KCNIP4: variants seen among roughly 807,000 people sequenced by gnomAD.
KCNIP4 encodes the protein potassium voltage-gated channel interacting protein 4.
In KCNIP4, 12 loss-of-function variants were observed where a neutral mutation model predicts 34.0. That is an observed-to-expected ratio of 0.35 (90% CI 0.23 to 0.57). KCNIP4 has a LOEUF of 0.57. Among genes scored for constraint, KCNIP4 ranks in the 20% least tolerant of loss-of-function variants. KCNIP4 has a pLI of 0.83. For missense variants in KCNIP4, 238 were observed against 311.7 expected, an observed-to-expected ratio of 0.76 and a Z score of 1.78; for synonymous variants, 124 against 102.2, an observed-to-expected ratio of 1.21 and a Z score of -1.29.
intron 1 of KCNIP4, among the ~76,000 whole-genome samples, chr4:21,789,206 T>C (rs56317097): frequency 0.11 from 17,316 of 151,934 alleles, 2,949 homozygotes; most frequent in African/African-American, 0.37. Flanking sequence ...CTACCCGCCC[T>C]GGGTTTCATG....
chr4:21,854,127 C>T (rs1055137337), intron 1 of KCNIP4, among the ~76,000 whole-genome samples: 10 of 152,274 alleles, frequency 6.6e-5, no homozygotes, highest in African/African-American at 2.2e-4. Flanking sequence ...AGTTTGAGTG[C>T]CCACATATAA....
At chr4:20,933,780 T>A (rs12650955) in intron 1 of KCNIP4, among the ~76,000 whole-genome samples, 8,190 of 151,722 alleles carry the variant, frequency 0.054, 493 homozygotes, top group African/African-American at 0.16. Context: ...CAGTACTGAA[T>A]TGAAATTACT....
chr4:21,074,437 A>G (rs965527947), intron 1 of KCNIP4, among the ~76,000 whole-genome samples: 1 of 152,158 alleles, frequency 6.6e-6, no homozygotes, highest in African/African-American at 2.4e-5. Context: ...AGGTGTTTAT[A>G]GTATTCTCTG....
At chr4:21,448,423 A>G (rs1728224171) in intron 1 of KCNIP4, among the ~76,000 whole-genome samples, 1 of 152,162 alleles carries the variant, frequency 6.6e-6, no homozygotes, top group African/African-American at 2.4e-5. Flanking sequence ...ACTGAGCTTA[A>G]TTGTGCCCTT....
At chr4:21,326,280 T>C (rs1397396677) in intron 1 of KCNIP4, among the ~76,000 whole-genome samples, 1 of 134,888 alleles carries the variant, frequency 7.4e-6, no homozygotes, top group Non-Finnish European at 1.6e-5. Context: ...TGCTCTAGAG[T>C]TGGATATACA....
intron 1 of KCNIP4, among the ~76,000 whole-genome samples, chr4:21,607,822 A>C (rs1357050303): frequency 6.6e-6 from 1 of 152,030 alleles, no homozygotes; most frequent in Non-Finnish European, 1.5e-5. Flanking sequence ...GCTTACCCTG[A>C]ATTTTTCAGA....
At chr4:21,282,419 C>A (rs1222210793) in intron 1 of KCNIP4, among the ~76,000 whole-genome samples, 2 of 151,230 alleles carry the variant, frequency 1.3e-5, no homozygotes, top group African/African-American at 4.9e-5. Context: ...AATATACAAG[C>A]ATTTGTGATG....
intron 1 of KCNIP4, among the ~76,000 whole-genome samples, chr4:21,535,854 T>C (rs1737120914): frequency 6.6e-6 from 1 of 152,104 alleles, no homozygotes; most frequent in African/African-American, 2.4e-5. Flanking sequence ...AGATCAACAA[T>C]CCCTAAAGGG....
intron 1 of KCNIP4, among the ~76,000 whole-genome samples, chr4:21,834,192 AT>A (rs1445949165): frequency 1.3e-5 from 2 of 152,122 alleles, no homozygotes; most frequent in Non-Finnish European, 2.9e-5. Flanking sequence ...CAGTATGGCC[AT>A]TTTCACGATA....
At chr4:21,784,896 A>C (rs1261784997) in intron 1 of KCNIP4, among the ~76,000 whole-genome samples, 1 of 152,186 alleles carries the variant, frequency 6.6e-6, no homozygotes, top group Non-Finnish European at 1.5e-5. Flanking sequence ...TATTTTCAAA[A>C]CCTTCATGAC....
chr4:21,408,933 C>G (rs927791642), intron 1 of KCNIP4, among the ~76,000 whole-genome samples: 1 of 152,114 alleles, frequency 6.6e-6, no homozygotes, highest in Non-Finnish European at 1.5e-5. Flanking sequence ...CTTCTATGAT[C>G]TTGGGTTTCA....
At chr4:21,124,044 A>AAC (rs1029830326) in intron 1 of KCNIP4, among the ~76,000 whole-genome samples, 55 of 59,806 alleles carry the variant, frequency 9.2e-4, no homozygotes, top group African/African-American at 4.9e-3. Context: ...AAAAAACAAC[A>AAC]AAAAAAAAAC....
intron 1 of KCNIP4, among the ~76,000 whole-genome samples, chr4:21,870,130 C>A (rs1037318976): frequency 6.6e-6 from 1 of 152,100 alleles, no homozygotes; most frequent in African/African-American, 2.4e-5. Context: ...TGCAACTTAG[C>A]GTCACCTTAG....
chr4:21,012,604 A>C (rs1170875251), intron 1 of KCNIP4, among the ~76,000 whole-genome samples: 1 of 151,858 alleles, frequency 6.6e-6, no homozygotes, highest in Non-Finnish European at 1.5e-5. Flanking sequence ...AAACCTCCAA[A>C]ACATTTAAAC....
intron 1 of KCNIP4, among the ~76,000 whole-genome samples, chr4:21,253,098 G>A (rs78963086): frequency 2.0e-5 from 3 of 152,158 alleles, no homozygotes; most frequent in Non-Finnish European, 4.4e-5. Flanking sequence ...ACATCAATGA[G>A]TGTTTCATAG....
At chr4:21,124,223 T>A (rs1454051731) in intron 1 of KCNIP4, among the ~76,000 whole-genome samples, 10 of 152,184 alleles carry the variant, frequency 6.6e-5, no homozygotes, top group Non-Finnish European at 1.5e-4. Flanking sequence ...AAAGTCCCAC[T>A]ATACATTTAT....
At chr4:20,942,660 CTTTTATTTTTAT>C (rs535237941) in intron 1 of KCNIP4, among the ~76,000 whole-genome samples, 23 of 151,998 alleles carry the variant, frequency 1.5e-4, no homozygotes, top group African/African-American at 5.3e-4. Context: ...CTATTTCCTT[CTTTTATTTTTAT>C]TTTTATTTTT....
chr4:21,746,740 C>G (rs1392100846), intron 1 of KCNIP4, among the ~76,000 whole-genome samples: 2 of 151,920 alleles, frequency 1.3e-5, no homozygotes, highest in African/African-American at 2.4e-5. Context: ...GTAAACTCAA[C>G]ACTTCATAAG....
At chr4:20,995,540 A>G (rs1019670426) in intron 1 of KCNIP4, among the ~76,000 whole-genome samples, 13 of 152,316 alleles carry the variant, frequency 8.5e-5, no homozygotes, top group African/African-American at 2.6e-4. Context: ...CAGTCCTGCT[A>G]TGAGAACCCG....
Sources: gnomAD v4.1 joint callset for allele counts (sites outside exome capture counted in the v4.1 genomes callset) on GRCh38, gnomAD v4.1.1 for gene constraint, MANE v1.5 for transcripts, NCBI Gene and HGNC (gene_info 2026-07-23, HGNC 2026-07-21) for gene names.